FMN2: variants seen among roughly 807,000 people sequenced by gnomAD.
The protein encoded by FMN2 is formin-2.
Under a neutral mutation model 142.3 loss-of-function variants are expected in FMN2, and 51 were observed. That is an observed-to-expected ratio of 0.36 (90% CI 0.29 to 0.45). The LOEUF (loss-of-function observed/expected upper bound fraction) is 0.45, where lower values mean the gene tolerates loss of function less well. FMN2 is among the 20% of genes least tolerant of loss of function. The pLI is 1.00. For missense variants in FMN2, 1,936 were observed against 2,122.8 expected (o/e 0.91, Z 1.73); for synonymous variants, 882 against 869.8 (o/e 1.01, Z -0.25).
intron 5 of FMN2, among the ~76,000 whole-genome samples, chr1:240,209,024 C>T (rs929929052): frequency 3.9e-5 from 6 of 151,960 alleles, no homozygotes; most frequent in African/African-American, 1.5e-4. Flanking sequence ...ATATATTTTT[C>T]TTAAAATACA....
intron 2 of FMN2, chr1:240,170,315 C>T: frequency 2.8e-6 from 3 of 1,083,210 alleles, no homozygotes; most frequent in Non-Finnish European, 4.3e-6. Flanking sequence ...CATACCAATG[C>T]CTATACCCTG....
rs894440149 is a variant in FMN2, at chr1:240,295,000, T to G, written c.4215+117T>G. On this transcript the variant is annotated intron_variant, in intron 8 of 17. Transcript: ENST00000319653. The stretch of plus-strand genomic sequence containing the variant: ...CTAAAGAAATTTGATCCGAGTGTAG[T>G]GAATTTGCCTAAGTAGGTGTTTGTT... 32 of 816,756 alleles carry G rather than the reference T, an allele frequency of 3.9e-5. No individual in the cohort carries two copies. In the East Asian group the frequency reaches 8.5e-4, roughly 22 times the overall value. 50.6% of individuals were successfully genotyped at this position (816,756 alleles called of 1,614,324 possible).
At position 240,092,138 on chromosome 1, in the gene FMN2, G is replaced by A. The variant is rs1444944827; in HGVS notation, c.29G>A (p.Arg10Lys). ...GGGAACCAGGATGGGAAGCTGAAGAGGAGCGCAGGTGATGCTTTGCACGAA... is the reference window on the plus strand; with the variant it reads ...GGGAACCAGGATGGGAAGCTGAAGAAGAGCGCAGGTGATGCTTTGCACGAA... The part of the protein sequence containing the change: MGNQDGKLK[R>K]SAGDALHEGG... The change falls in exon 1 of 18, where the codon AGG becomes AAG. Residue 10 changes from arginine to lysine, a missense_variant. Arg to Lys is a conservative substitution (Grantham distance 26). Coordinates refer to ENST00000319653, the MANE Select transcript of FMN2 (RefSeq NM_020066.5). The A allele has an allele frequency of 2.6e-6, 4 of 1,561,828 alleles. No homozygotes were observed. The highest frequency in any genetic ancestry group is 3.5e-6 in the Non-Finnish European group (4 of 1,153,550).
At chr1:240,105,986 G>A (rs1661593363) in intron 1 of FMN2, among the ~76,000 whole-genome samples, 1 of 151,952 alleles carries the variant, frequency 6.6e-6, no homozygotes, top group Non-Finnish European at 1.5e-5. Context: ...TACACTTTTT[G>A]GGGAGCCATA....
intron 14 of FMN2, among the ~76,000 whole-genome samples, chr1:240,367,817 TA>T: frequency 6.6e-6 from 1 of 150,552 alleles, no homozygotes; most frequent in Non-Finnish European, 1.5e-5. Context: ...TCTAAGTTGG[TA>T]AAGATAATGT....
intron 2 of FMN2, among the ~76,000 whole-genome samples, chr1:240,127,555 G>A (rs1051302262): frequency 6.6e-6 from 1 of 151,962 alleles, no homozygotes; most frequent in Non-Finnish European, 1.5e-5. Context: ...ATGGCTCACC[G>A]CAGTCTCGAT....
intron 4 of FMN2, among the ~76,000 whole-genome samples, chr1:240,203,627 G>A (rs1666215757): frequency 6.6e-6 from 1 of 152,114 alleles, no homozygotes; most frequent in Admixed American, 6.6e-5. Context: ...ATAGACACAG[G>A]TGGGGAACAA....
intron 15 of FMN2, among the ~76,000 whole-genome samples, chr1:240,430,982 TA>T (rs377031896): frequency 1.5e-3 from 217 of 141,544 alleles, no homozygotes; most frequent in South Asian, 5.4e-3. Flanking sequence ...TCAGTCCCTT[TA>T]AAAAAAAAAA....
intron 15 of FMN2, among the ~76,000 whole-genome samples, chr1:240,410,538 A>C (rs1463953498): frequency 6.6e-6 from 1 of 152,200 alleles, no homozygotes; most frequent in Non-Finnish European, 1.5e-5. Context: ...TTTTCCTCAG[A>C]TCATCAACCA....
rs180913863 is a variant in FMN2 at position 240,298,055 on chromosome 1, G to T, written c.4215+3172G>T. 2.6e-5 allele frequency among the ~76,000 whole-genome samples: 4 copies of T among 152,132 alleles called. No individual in the cohort carries two copies. The East Asian group carries it at 7.7e-4, about 29-fold the overall frequency. ...CTTGATACCATCATCCTGGGGATAA[G>T]GTTTCAACCTATGGAACTGAGGGTG... On this transcript the variant is annotated intron_variant, in intron 8 of 17. Coordinates refer to ENST00000319653, the MANE Select transcript of FMN2 (RefSeq NM_020066.5).
chr1:240,286,007 C>A (rs1211783392), intron 7 of FMN2, among the ~76,000 whole-genome samples: 2 of 152,086 alleles, frequency 1.3e-5, no homozygotes. Flanking sequence ...TGATGAGAAG[C>A]CCTGAGTCTT....
At chr1:240,162,785 T>C (rs528861850) in intron 2 of FMN2, among the ~76,000 whole-genome samples, 128 of 152,270 alleles carry the variant, frequency 8.4e-4, no homozygotes, top group Middle Eastern at 3.4e-3. Context: ...CTCCCTTCTT[T>C]GGGCTAAATT....
At chr1:240,159,949 A>ATATATC (rs1558328602) in intron 2 of FMN2, among the ~76,000 whole-genome samples, 1 of 123,282 alleles carries the variant, frequency 8.1e-6, no homozygotes, top group Non-Finnish European at 1.7e-5. Flanking sequence ...ATATATATAT[A>ATATATC]TCTATATCTG....
chr1:240,358,731 T>A (rs1261213207), intron 14 of FMN2, among the ~76,000 whole-genome samples: 1 of 152,152 alleles, frequency 6.6e-6, no homozygotes, highest in Non-Finnish European at 1.5e-5. Context: ...ATGGCCCCCA[T>A]GATTCAATTA....
chr1:240,457,762 T>G (rs1676303334), intron 16 of FMN2: 1 of 152,306 alleles, frequency 6.6e-6, no homozygotes, highest in South Asian at 2.1e-4. Flanking sequence ...GTCAAGTGCC[T>G]AAAGTGGCTG....
intron 14 of FMN2, among the ~76,000 whole-genome samples, chr1:240,369,924 G>T (rs1558457518): frequency 6.6e-6 from 1 of 152,078 alleles, no homozygotes. Flanking sequence ...GATGGGTAAG[G>T]GATTCCTATG....
chr1:240,133,633 C>T (rs1662827034), intron 2 of FMN2, among the ~76,000 whole-genome samples: 1 of 152,144 alleles, frequency 6.6e-6, no homozygotes, highest in South Asian at 2.1e-4. Flanking sequence ...TCCTAATTGT[C>T]CATGTCTTCT....
chr1:240,428,989 T>A (rs1484535921), intron 15 of FMN2, among the ~76,000 whole-genome samples: 1 of 152,190 alleles, frequency 6.6e-6, no homozygotes, highest in Non-Finnish European at 1.5e-5. Context: ...AATCTTTTTT[T>A]AAAATTTCTC....
At chr1:240,378,214 G>T (rs907614201) in intron 14 of FMN2, among the ~76,000 whole-genome samples, 3 of 151,822 alleles carry the variant, frequency 2.0e-5, no homozygotes, top group African/African-American at 4.8e-5. Context: ...ACAATGGCAT[G>T]ATCTTGGCTC....
Sources: allele counts gnomAD v4.1 joint callset (sites outside exome capture counted in the v4.1 genomes callset), GRCh38; gene constraint gnomAD v4.1.1; transcripts MANE v1.5; gene names NCBI Gene and HGNC (gene_info 2026-07-23, HGNC 2026-07-21).